CAST: variants seen among roughly 807,000 people sequenced by gnomAD.
The protein encoded by CAST is MIR583 host.
Under a neutral mutation model 119.6 loss-of-function variants are expected in CAST, and 76 were observed. That is an observed-to-expected ratio of 0.64 (90% CI 0.53 to 0.77). The LOEUF is 0.77. Ranked by LOEUF, CAST falls within the 30% of genes least tolerant of loss-of-function variation. CAST has a pLI of 0.00. For synonymous variants in CAST, 319 were observed against 331.6 expected, an observed-to-expected ratio of 0.96 and a Z score of 0.41; for missense variants, 953 against 946.5, an observed-to-expected ratio of 1.01 and a Z score of -0.09.
At chr5:96,490,918 A>T in the CAST span, among the ~76,000 whole-genome samples, 1 of 152,180 alleles carries the variant, frequency 6.6e-6, no homozygotes, top group Non-Finnish European at 1.5e-5. Context: ...AACAAAACAA[A>T]AAACCAGTGG....
chr5:96,177,300 G>T, the CAST span, among the ~76,000 whole-genome samples: 1 of 152,156 alleles, frequency 6.6e-6, no homozygotes, highest in Non-Finnish European at 1.5e-5. Flanking sequence ...AAAATGCGAG[G>T]TGGTGAACTA....
the CAST span, among the ~76,000 whole-genome samples, chr5:96,454,382 AC>A: frequency 6.6e-6 from 1 of 152,214 alleles, no homozygotes; most frequent in Non-Finnish European, 1.5e-5. Context: ...TTAAAATGCT[AC>A]ACTGCTACTT....
At chr5:96,690,384 A>G (rs994320150) in intron 2 of CAST, among the ~76,000 whole-genome samples, 3 of 152,038 alleles carry the variant, frequency 2.0e-5, no homozygotes, top group Non-Finnish European at 4.4e-5. Context: ...GACATGCGCC[A>G]TTACACCCAG....
chr5:96,379,469 C>T, the CAST span: 1 of 152,058 alleles, frequency 6.6e-6, no homozygotes, highest in Non-Finnish European at 1.5e-5. Flanking sequence ...GCTAGGGCAA[C>T]AAAAATGGAG....
chr5:96,626,754 G>A (rs1023986639), intron 1 of CAST, among the ~76,000 whole-genome samples: 3 of 152,076 alleles, frequency 2.0e-5, no homozygotes, highest in African/African-American at 4.8e-5. Context: ...GCTGTTCTCC[G>A]CTAAAATTAA....
At chr5:96,069,385 A>ATGTG in the CAST span, among the ~76,000 whole-genome samples, 465 of 96,118 alleles carry the variant, frequency 4.8e-3, 1 homozygote, top group African/African-American at 0.018. Flanking sequence ...GTGTGTGTCT[A>ATGTG]TGTGTGTGTG....
intron 1 of CAST, among the ~76,000 whole-genome samples, chr5:96,617,344 G>C (rs896009594): frequency 6.6e-6 from 1 of 151,946 alleles, no homozygotes; most frequent in Non-Finnish European, 1.5e-5. Flanking sequence ...GCGATTATTT[G>C]GGTATATTCA....
chr5:96,393,324 T>A, the CAST span: 1 of 1,614,100 alleles, frequency 6.2e-7, no homozygotes, highest in Non-Finnish European at 8.5e-7. Flanking sequence ...CTGCTGCTGC[T>A]GGGGCTTTTG....
rs543633564 is a variant in CAST at position 96,754,972 on chromosome 5, A to G, written c.1710+231A>G. 1.3e-5 allele frequency: 4 copies of G among 315,654 alleles called. No individual in the cohort carries two copies. In the South Asian group the frequency reaches 2.4e-4, roughly 19 times the overall value. 19.6% of individuals were successfully genotyped at this position (315,654 alleles called of 1,614,324 possible). A position where few individuals can be genotyped will look rare whatever the true frequency, so the allele number is the denominator to read the frequency against. On this transcript the variant is annotated intron_variant, in intron 22 of 31. Coordinates refer to ENST00000675179, the MANE Select transcript of CAST (RefSeq NM_001750.7). The stretch of plus-strand genomic sequence containing the variant: ...AAGAAATCTAATGTCTAAGCTACCT[A>G]ATGTTTTCCTTTCTAACCCACAGCT...
intron 2 of CAST, among the ~76,000 whole-genome samples, chr5:96,688,921 CT>C (rs1283403819): frequency 6.6e-6 from 1 of 152,054 alleles, no homozygotes; most frequent in Non-Finnish European, 1.5e-5. Context: ...AGATTTTTTA[CT>C]TTGGGGCCCC....
chr5:96,735,009 G>A (rs1479377374), intron 9 of CAST, among the ~76,000 whole-genome samples: 1 of 152,046 alleles, frequency 6.6e-6, no homozygotes, highest in Non-Finnish European at 1.5e-5. Context: ...GAAGGTGGGG[G>A]AGAGAACATG....
the CAST span, among the ~76,000 whole-genome samples, chr5:96,008,682 A>G: frequency 1.3e-5 from 2 of 152,214 alleles, no homozygotes; most frequent in Middle Eastern, 6.3e-3. Flanking sequence ...TGAAATAAAC[A>G]AGTGACTCAA....
intron 1 of CAST, among the ~76,000 whole-genome samples, chr5:96,580,214 T>A (rs758230306): frequency 4.7e-4 from 72 of 152,210 alleles, no homozygotes; most frequent in Non-Finnish European, 8.8e-4. Context: ...AAATTTTATA[T>A]TAATTTCCCC....
At chr5:96,134,137 C>T in the CAST span, among the ~76,000 whole-genome samples, 1 of 152,178 alleles carries the variant, frequency 6.6e-6, no homozygotes, top group Admixed American at 6.5e-5. Context: ...ACTGAAAAGG[C>T]CGCTACAGTG....
intron 1 of CAST, among the ~76,000 whole-genome samples, chr5:96,668,389 TG>T (rs1749618408): frequency 6.6e-6 from 1 of 152,252 alleles, no homozygotes; most frequent in Admixed American, 6.5e-5. Context: ...AAGGTTCCTT[TG>T]TACTTTAGGG....
At chr5:96,419,447 C>A in the CAST span, among the ~76,000 whole-genome samples, 8,974 of 148,150 alleles carry the variant, frequency 0.061, 490 homozygotes, top group African/African-American at 0.15. Flanking sequence ...CTCTCTCTCT[C>A]TATATATATA....
intron 1 of CAST, among the ~76,000 whole-genome samples, chr5:96,590,632 A>G (rs1367615558): frequency 6.6e-6 from 1 of 152,228 alleles, no homozygotes; most frequent in African/African-American, 2.4e-5. Flanking sequence ...GATGGGACGA[A>G]CCAGAGGGGA....
In CAST at chr5:96,774,423, G is replaced by T; in HGVS notation, c.*1807G>T. ...AACTAATAACTGGAGTAAGCTACAG[G>T]ATCTAAAGCAGCCCTTTTTACAGTC... On this transcript the variant is annotated 3_prime_UTR_variant, in exon 32 of 32. Transcript: ENST00000675179. 1.4e-6 allele frequency: 1 copy of T among 725,714 alleles called. No homozygotes were observed. Among genetic ancestry groups the T allele is most frequent in the Non-Finnish European group, 1.7e-6 (1 of 590,778 alleles). 45.0% of individuals were successfully genotyped at this position (725,714 alleles called of 1,614,324 possible). A position where few individuals can be genotyped will look rare whatever the true frequency, so the allele number is the denominator to read the frequency against.
the CAST span, among the ~76,000 whole-genome samples, chr5:96,034,678 A>T: frequency 4.6e-5 from 7 of 151,772 alleles, no homozygotes; most frequent in East Asian, 1.4e-3. Flanking sequence ...TACTGTTAAC[A>T]ATAGTCACCC....
Sources: allele counts gnomAD v4.1 joint callset (sites outside exome capture counted in the v4.1 genomes callset), GRCh38; gene constraint gnomAD v4.1.1; transcripts MANE v1.5; gene names NCBI Gene and HGNC (gene_info 2026-07-23, HGNC 2026-07-21).